Variants in RGS10 observed in about 807,000 individuals in gnomAD.
RGS10 encodes the protein regulator of G protein signaling 10.
A neutral mutation model predicts 23.5 loss-of-function variants in RGS10; 11 were observed. The ratio of observed to expected loss-of-function variants is 0.47; its 90% confidence interval spans 0.29 to 0.77. The LOEUF (loss-of-function observed/expected upper bound fraction) is 0.77. Among genes scored for constraint, RGS10 ranks in the 30% least tolerant of loss-of-function variants. The pLI is 0.08. For missense variants in RGS10, 180 were observed against 226.3 expected (o/e 0.80, Z 1.31); for synonymous variants, 77 against 83.2 (o/e 0.92, Z 0.41).
intron 1 of RGS10, among the ~76,000 whole-genome samples, chr10:119,540,262 T>C (rs1844424508): frequency 6.6e-6 from 1 of 152,098 alleles, no homozygotes; most frequent in South Asian, 2.1e-4. Context: ...TCCTTCCTTC[T>C]TTCCTTTTCT....
intron 1 of RGS10, among the ~76,000 whole-genome samples, chr10:119,529,178 C>A (rs1844308525): frequency 6.6e-6 from 1 of 152,104 alleles, no homozygotes. Context: ...TCTGGCCGGG[C>A]ACGGTGGCTC....
Position 119,515,546 on chromosome 10 carries a change from T to A in RGS10, c.362A>T (p.Glu121Val), listed in dbSNP as rs1419746011. Residue 121 changes from glutamate to valine, a missense_variant, in exon 4 of 5, where the codon GAA becomes GTA. Glu to Val is a moderately radical substitution (Grantham distance 121). Coordinates refer to ENST00000369103, the MANE Select transcript of RGS10 (RefSeq NM_001005339.2). ...TTTCTGGAACATCAGAGGGTGCGGT[T>A]CTTCCAGGATCTTCTCGTTGAGCCG... Reference protein sequence around the residue: ...QSRLNEKILEEPHPLMFQKLQ... With the variant: ...QSRLNEKILEVPHPLMFQKLQ... The A allele has an allele frequency of 6.2e-7, 1 of 1,614,158 alleles. No individual in the cohort carries two copies. Among genetic ancestry groups the A allele is most frequent in the South Asian group, 1.1e-5 (1 of 91,072 alleles).
chr10:119,516,003 G>A (rs1844138666), intron 3 of RGS10, among the ~76,000 whole-genome samples: 1 of 152,226 alleles, frequency 6.6e-6, no homozygotes, highest in African/African-American at 2.4e-5. Flanking sequence ...TGTAATCCCA[G>A]CACTTTGGGA....
chr10:119,537,751 T>C (rs1844402881), intron 1 of RGS10, among the ~76,000 whole-genome samples: 1 of 152,150 alleles, frequency 6.6e-6, no homozygotes, highest in Non-Finnish European at 1.5e-5. Context: ...AGTCCACAAA[T>C]AAACGAGAAG....
At chr10:119,539,891 C>T (rs963531627) in intron 1 of RGS10, among the ~76,000 whole-genome samples, 3 of 151,634 alleles carry the variant, frequency 2.0e-5, no homozygotes, top group Non-Finnish European at 4.4e-5. Context: ...AGGAGCAGCT[C>T]TGGCTTTTGT....
chr10:119,536,089 C>G (rs1269138423), intron 1 of RGS10, among the ~76,000 whole-genome samples: 4 of 152,148 alleles, frequency 2.6e-5, no homozygotes, highest in Non-Finnish European at 5.9e-5. Context: ...TTTATCGGCT[C>G]CAGTATCTAG....
chr10:119,515,416 G>A (rs1171169840), intron 4 of RGS10, 93 bp downstream of exon 4: 3 of 1,476,852 alleles, frequency 2.0e-6, no homozygotes, highest in Non-Finnish European at 2.8e-6. Flanking sequence ...ATGGTTTCCA[G>A]GGAGTCTAAC....
chr10:119,536,508 C>CA lies in RGS10; in HGVS notation c.49+6081dup, dbSNP rs752472042. ...ACCTGAGAAGTTCCACGCAGACCAA[C>CA]AATCCACTGCCTTCCCAGAGACGCC... On this transcript the variant is annotated intron_variant, in intron 1 of 4. Coordinates refer to ENST00000369103, the MANE Select transcript of RGS10 (RefSeq NM_001005339.2). The CA allele has an allele frequency of 2.8e-5, 45 of 1,610,388 alleles. 1 individual carries two copies. In the East Asian group the frequency reaches 1.0e-3, roughly 36 times the overall value.
At chr10:119,520,502 C>T (rs906363479) in intron 3 of RGS10, among the ~76,000 whole-genome samples, 11 of 152,132 alleles carry the variant, frequency 7.2e-5, no homozygotes, top group African/African-American at 2.7e-4. Flanking sequence ...CCCCCGCCAC[C>T]TTCAACAGAA....
chr10:119,536,868 C>T (rs1471807715), intron 1 of RGS10, among the ~76,000 whole-genome samples: 2 of 152,162 alleles, frequency 1.3e-5, no homozygotes, highest in Non-Finnish European at 2.9e-5. Flanking sequence ...TCCTACTCTG[C>T]CTCAATCTGT....
At chr10:119,536,894 G>A (rs904803737) in intron 1 of RGS10, among the ~76,000 whole-genome samples, 3 of 152,106 alleles carry the variant, frequency 2.0e-5, no homozygotes, top group African/African-American at 2.4e-5. Context: ...ACCCTCCCTC[G>A]AGGCAAAGTA....
intron 1 of RGS10, among the ~76,000 whole-genome samples, chr10:119,529,244 G>A (rs1844309298): frequency 6.6e-6 from 1 of 152,050 alleles, no homozygotes; most frequent in Non-Finnish European, 1.5e-5. Context: ...CTTGAGGTCA[G>A]GAGTTCAAGA....
chr10:119,529,203 A>G (rs1844308883), intron 1 of RGS10, among the ~76,000 whole-genome samples: 1 of 152,182 alleles, frequency 6.6e-6, no homozygotes, highest in Admixed American at 6.5e-5. Flanking sequence ...CTGTAATCCT[A>G]GCACTTTAGG....
At chr10:119,534,747 A>G (rs757022847) in intron 1 of RGS10, among the ~76,000 whole-genome samples, 1 of 151,150 alleles carries the variant, frequency 6.6e-6, no homozygotes, top group Admixed American at 6.6e-5. Flanking sequence ...AAAATTAGCC[A>G]GGTGTGGTGG....
Position 119,500,094 on chromosome 10 carries a change from G to C in RGS10, c.*19C>G, listed in dbSNP as rs775865761. On this transcript the variant is annotated 3_prime_UTR_variant, in exon 5 of 5. Coordinates refer to ENST00000369103, the MANE Select transcript of RGS10 (RefSeq NM_001005339.2). ...ATTCCTTTGCTTCTTAAAGCTGCCA[G>C]TCCCGGCTTTTTGGGGGCTCATGTG... 1.9e-6 allele frequency: 3 copies of C among 1,609,682 alleles called. No individual in the cohort carries two copies. In the African/African-American group the frequency reaches 4.0e-5, roughly 22 times the overall value.
chr10:119,515,763 C>T, intron 3 of RGS10, 111 bp from the exon 4 acceptor site: 1 of 1,319,996 alleles, frequency 7.6e-7, no homozygotes, highest in South Asian at 1.4e-5. Context: ...AAGAGAAAGG[C>T]ACCCCCCACA....
chr10:119,505,502 G>C (rs1157093486), intron 4 of RGS10, among the ~76,000 whole-genome samples: 1 of 151,758 alleles, frequency 6.6e-6, no homozygotes, highest in Non-Finnish European at 1.5e-5. Flanking sequence ...GAGGAGGGAG[G>C]CTTCCTGCAG....
intron 1 of RGS10, chr10:119,536,561 G>A (rs576344874): frequency 3.9e-6 from 6 of 1,556,754 alleles, no homozygotes; most frequent in African/African-American, 1.4e-5. Flanking sequence ...AGACTGGAGG[G>A]CTCCCGAGCA....
intron 3 of RGS10, among the ~76,000 whole-genome samples, chr10:119,522,037 G>C (rs546573057): frequency 1.3e-5 from 2 of 152,318 alleles, no homozygotes; most frequent in Admixed American, 1.3e-4. Context: ...AATGACTCAG[G>C]AGAGAAGAGG....
Sources: allele counts gnomAD v4.1 joint callset (sites outside exome capture counted in the v4.1 genomes callset), GRCh38; gene constraint gnomAD v4.1.1; transcripts MANE v1.5; gene names NCBI Gene and HGNC (gene_info 2026-07-23, HGNC 2026-07-21).